The following SCN7A variants were observed in gnomAD, a reference collection of about 807,000 sequenced individuals.
SCN7A encodes sodium channel protein type 7 subunit alpha.
Under a neutral mutation model 155.2 loss-of-function variants are expected in SCN7A, and 138 were observed. That is an observed-to-expected ratio of 0.89 (90% CI 0.77 to 1.02). SCN7A has a LOEUF of 1.02. Ranked by LOEUF, SCN7A falls within the 50% of genes least tolerant of loss-of-function variation. The probability of loss-of-function intolerance (pLI) is 0.00; values close to 1 mark genes in which losing one functional copy is unlikely to be tolerated. For missense variants in SCN7A, 2,058 were observed against 1,986.6 expected (o/e 1.04, Z -0.68); for synonymous variants, 693 against 649.0 (o/e 1.07, Z -1.03).
At chr2:166,472,231 A>C in intron 6 of SCN7A, 86 bp downstream of exon 6, 2 of 1,375,580 alleles carry the variant, frequency 1.5e-6, no homozygotes, top group African/African-American at 1.5e-5. Context: ...CTGCAGGCCA[A>C]AATCTTTGCA....
chr2:166,484,185 C>T (rs1188923272), intron 2 of SCN7A, among the ~76,000 whole-genome samples: 1 of 151,758 alleles, frequency 6.6e-6, no homozygotes, highest in Non-Finnish European at 1.5e-5. Context: ...GACTGTCATT[C>T]ATATAAAGAA....
chr2:166,453,734 T>A (rs777920284), intron 11 of SCN7A, among the ~76,000 whole-genome samples: 15 of 152,174 alleles, frequency 9.9e-5, no homozygotes, highest in Non-Finnish European at 1.8e-4. Flanking sequence ...CCAACAGTTT[T>A]CCTATAACAT....
chr2:166,434,977 C>T lies in SCN7A; in HGVS notation c.2158-2225G>A, dbSNP rs191546455. Among the ~76,000 whole-genome samples the T allele has an allele frequency of 1.1e-4, 16 of 151,984 alleles. No individual in the cohort carries two copies. In the East Asian group the frequency reaches 3.1e-3, roughly 29 times the overall value. On this transcript the variant is annotated intron_variant, in intron 15 of 25. Coordinates refer to ENST00000643258, the MANE Select transcript of SCN7A (RefSeq NM_002976.4). ...GGATTTGAACAAGAAAAAGTTTATGCTATATTAATCATATTTTAAGGAAAT... is the reference window on the plus strand; with the variant it reads ...GGATTTGAACAAGAAAAAGTTTATGTTATATTAATCATATTTTAAGGAAAT...
intron 10 of SCN7A, among the ~76,000 whole-genome samples, chr2:166,458,697 T>C (rs1434060039): frequency 1.3e-5 from 2 of 152,162 alleles, no homozygotes; most frequent in Non-Finnish European, 2.9e-5. Context: ...AGTGTTCCAA[T>C]TGCCTACAGT....
intron 11 of SCN7A, among the ~76,000 whole-genome samples, chr2:166,450,415 G>A (rs1267518878): frequency 6.6e-6 from 1 of 152,012 alleles, no homozygotes. Flanking sequence ...TCAGTGACAT[G>A]CAATTTGCCC....
intron 2 of SCN7A, among the ~76,000 whole-genome samples, chr2:166,477,953 C>A (rs138011974): frequency 1.0e-3 from 158 of 151,996 alleles, no homozygotes; most frequent in African/African-American, 3.8e-3. Context: ...TTACTGAAAT[C>A]TACCTTTCAA....
rs976454266 is a variant in SCN7A at position 166,427,683 on chromosome 2, C to T, written c.2853+105G>A. 5.8e-6 allele frequency: 6 copies of T among 1,031,716 alleles called. No individual in the cohort carries two copies. The African/African-American group carries it at 8.0e-5, about 14-fold the overall frequency. 63.9% of individuals were successfully genotyped at this position (1,031,716 alleles called of 1,614,324 possible). A position where few individuals can be genotyped will look rare whatever the true frequency, so the allele number is the denominator to read the frequency against. On this transcript the variant is annotated intron_variant, in intron 18 of 25. Transcript: ENST00000643258. The stretch of plus-strand genomic sequence containing the variant: ...AAATTTGGTGCTATTTGGTGCTATA[C>T]TAAATATCCTTGGAAATGTAATCCT...
At position 166,486,976 on chromosome 2, in the gene SCN7A, A is replaced by G. The variant is rs775572307; in HGVS notation, c.-127-8T>C. Reference sequence around the variant, plus strand: ...ATTCACATGGTGGAGGACCTGTTGCAAAACAGTTCTAAAGCTTGAAATCAG... The same window carrying G: ...ATTCACATGGTGGAGGACCTGTTGCGAAACAGTTCTAAAGCTTGAAATCAG... On this transcript the variant is annotated splice_region_variant and splice_polypyrimidine_tract_variant and intron_variant, in intron 1 of 25. Coordinates refer to ENST00000643258, the MANE Select transcript of SCN7A (RefSeq NM_002976.4). The G allele has an allele frequency of 2.6e-5, 4 of 152,222 alleles. No homozygotes were observed. Among genetic ancestry groups the G allele is most frequent in the Non-Finnish European group, 5.9e-5 (4 of 68,058 alleles). 9.4% of individuals were successfully genotyped at this position (152,222 alleles called of 1,614,324 possible). A position where few individuals can be genotyped will look rare whatever the true frequency, so the allele number is the denominator to read the frequency against.
chr2:166,443,359 G>A, intron 14 of SCN7A, 144 bp downstream of exon 14: 1 of 644,022 alleles, frequency 1.6e-6, no homozygotes, highest in Non-Finnish European at 2.5e-6. Context: ...TCTTTCCTTG[G>A]CAATAAACTC....
In SCN7A at chr2:166,465,973, C is replaced by T. The variant is rs530855033; in HGVS notation, c.679G>A (p.Val227Ile). Reference sequence around the variant, plus strand: ...TTCAAGCAGTGGATCAGGACCCCTACAAGGGATTTCAGACCTGGAAAGAGA... The same window carrying T: ...TTCAAGCAGTGGATCAGGACCCCTATAAGGGATTTCAGACCTGGAAAGAGA... The part of the protein sequence containing the change: ...IPLNQGLKSL[V>I]GVLIHCLKQL... The change falls in exon 8 of 26, where the codon GTA (valine) becomes ATA (isoleucine). Residue 227 changes from valine (V) to isoleucine (I), a missense_variant. Transcript: ENST00000643258. 1 of 1,610,442 alleles carries T rather than the reference C, an allele frequency of 6.2e-7. No individual in the cohort carries two copies. Among genetic ancestry groups the T allele is most frequent in the Non-Finnish European group, 8.5e-7 (1 of 1,177,976 alleles).
intron 11 of SCN7A, among the ~76,000 whole-genome samples, chr2:166,449,628 G>C (rs1702137151): frequency 6.6e-6 from 1 of 151,852 alleles, no homozygotes; most frequent in Admixed American, 6.6e-5. Flanking sequence ...TTTTTCCAGT[G>C]GGTAAAGTAC....
At chr2:166,482,004 C>T (rs756532972) in intron 2 of SCN7A, among the ~76,000 whole-genome samples, 10 of 152,046 alleles carry the variant, frequency 6.6e-5, no homozygotes, top group East Asian at 3.9e-4. Context: ...CCAATGTGGA[C>T]GCACATACTC....
intron 19 of SCN7A, among the ~76,000 whole-genome samples, chr2:166,421,560 A>G (rs1701512062): frequency 6.6e-6 from 1 of 152,008 alleles, no homozygotes; most frequent in African/African-American, 2.4e-5. Context: ...GATAAATAAA[A>G]GTTGTATATT....
chr2:166,462,263 T>C, intron 10 of SCN7A, 126 bp downstream of exon 10: 3 of 1,047,342 alleles, frequency 2.9e-6, no homozygotes, highest in Non-Finnish European at 4.0e-6. Flanking sequence ...TCTAGTTCTC[T>C]TTTCTTTTGT....
Position 166,405,510 on chromosome 2 carries a change from T to C in SCN7A, c.*70A>G. The C allele has an allele frequency of 8.6e-7, 1 of 1,166,890 alleles. No individual in the cohort carries two copies. The highest frequency in any genetic ancestry group is 1.2e-6 in the Non-Finnish European group (1 of 828,068). The allele number at this position is 1,166,890 out of a possible 1,614,324, so 72.3% of individuals were successfully genotyped here. On this transcript the variant is annotated 3_prime_UTR_variant, in exon 26 of 26. Transcript: ENST00000643258. ...ACTGATTATTATCTCTACTTTTCTT[T>C]TATTCCTGGCTTAGGCTTTCAACAT...
rs190259495 is a variant in SCN7A at position 166,441,841 on chromosome 2, T to C, written c.1801-89A>G. On this transcript the variant is annotated intron_variant, in intron 14 of 25. Coordinates refer to ENST00000643258, the MANE Select transcript of SCN7A (RefSeq NM_002976.4). ...TACAAGGTACAGTGTTATACACATATACATATATAGCCTTTAGAGTTTTAA... is the reference window on the plus strand; with the variant it reads ...TACAAGGTACAGTGTTATACACATACACATATATAGCCTTTAGAGTTTTAA... The C allele has an allele frequency of 1.0e-4, 90 of 857,238 alleles. 1 individual carries two copies. The highest frequency in any genetic ancestry group is 8.6e-4 in the East Asian group (34 of 39,522). 53.1% of individuals were successfully genotyped at this position (857,238 alleles called of 1,614,324 possible).
chr2:166,444,694 T>C (rs925689499), intron 13 of SCN7A, 68 bp downstream of exon 13: 2 of 855,790 alleles, frequency 2.3e-6, no homozygotes, highest in Non-Finnish European at 3.7e-6. Context: ...GGAATAATGA[T>C]GAACAAAGAA....
intron 10 of SCN7A, among the ~76,000 whole-genome samples, chr2:166,458,373 T>C (rs1559115562): frequency 6.7e-6 from 1 of 148,900 alleles, no homozygotes. Flanking sequence ...CATCAGTAAA[T>C]AGAGTTGGTT....
intron 18 of SCN7A, among the ~76,000 whole-genome samples, chr2:166,426,114 G>A (rs1005217291): frequency 4.6e-5 from 7 of 152,086 alleles, no homozygotes; most frequent in African/African-American, 1.2e-4. Context: ...GAGATACAAC[G>A]CCTGGTAGAC....
Sources: allele counts gnomAD v4.1 joint callset (sites outside exome capture counted in the v4.1 genomes callset), GRCh38; gene constraint gnomAD v4.1.1; transcripts MANE v1.5; gene names NCBI Gene and HGNC (gene_info 2026-07-23, HGNC 2026-07-21).